The following CCDC88B variants were observed in gnomAD, a reference collection of about 807,000 sequenced individuals.
CCDC88B encodes the protein coiled-coil domain-containing protein 88B.
Under a neutral mutation model 183.7 loss-of-function variants are expected in CCDC88B, and 138 were observed. The ratio of observed to expected loss-of-function variants is 0.75; its 90% CI spans 0.65 to 0.87. The LOEUF is 0.87. CCDC88B is among the 40% of genes least tolerant of loss of function. The pLI, the probability that CCDC88B is intolerant of heterozygous loss-of-function variation, is 0.00. For missense variants in CCDC88B, 1,822 were observed against 1,965.6 expected, an observed-to-expected ratio of 0.93 and a Z score of 1.38; for synonymous variants, 835 against 867.5, an observed-to-expected ratio of 0.96 and a Z score of 0.66.
intron 19 of CCDC88B, 122 bp downstream of exon 19, chr11:64,352,508 C>G (rs1275273071): frequency 7.2e-7 from 1 of 1,392,694 alleles, no homozygotes; most frequent in Non-Finnish European, 9.5e-7. Flanking sequence ...GATGCCCCGG[C>G]CACTGCTGTG....
rs1376200030 is a variant in CCDC88B, at chr11:64,341,490, G to A, written c.517G>A (p.Ala173Thr). 3 of 1,613,664 alleles carry A rather than the reference G, an allele frequency of 1.9e-6. No homozygotes were observed. The highest frequency in any genetic ancestry group is 2.7e-5 in the African/African-American group (2 of 74,916). The change falls in exon 6 of 27, where the codon GCT becomes ACT. Residue 173 changes from alanine to threonine, a missense_variant. Transcript: ENST00000356786. ...LSLEVQSELAAAIQEVTQPGA... is the reference protein window; with the variant it reads ...LSLEVQSELATAIQEVTQPGA... ...TCTCGAGGTCCAGAGCGAGCTGGCC[G>A]CTGCCATCCAGGAGGTACTGAGACG... is the stretch of plus-strand genomic sequence containing the variant.
rs35974392 is a variant in CCDC88B at position 64,354,063 on chromosome 11, G to GC, written c.3998dup (p.Gly1334TrpfsTer26). The GC allele has an allele frequency of 2.8e-6, 4 of 1,448,840 alleles. No individual in the cohort carries two copies. The highest frequency in any genetic ancestry group is 3.7e-6 in the Non-Finnish European group (4 of 1,095,848). 89.7% of individuals were successfully genotyped at this position (1,448,840 alleles called of 1,614,324 possible). A position where few individuals can be genotyped will look rare whatever the true frequency, so the allele number is the denominator to read the frequency against. ...CTGATGCGGCCCCGGCGGGAGGGGG[G>GC]CCCCCCTGGGGGGCTGCGCCTGGGG... On this transcript the variant is annotated frameshift_variant, in exon 24 of 27. Coordinates refer to ENST00000356786, the MANE Select transcript of CCDC88B (RefSeq NM_032251.6). LOFTEE classifies it high-confidence loss of function.
At chr11:64,355,169 C>T (rs1039196557) in intron 24 of CCDC88B, 25 bp from the exon 25 acceptor site, 1 of 1,410,386 alleles carries the variant, frequency 7.1e-7, no homozygotes, top group Non-Finnish European at 9.3e-7. Context: ...TCCTCTCACC[C>T]CCTCCCTGCA....
intron 3 of CCDC88B, 39 bp from the exon 4 acceptor site, chr11:64,341,070 C>G: frequency 1.2e-6 from 2 of 1,613,874 alleles, no homozygotes; most frequent in Non-Finnish European, 1.7e-6. Flanking sequence ...GGAGCCCCTT[C>G]GGGAAGGCGC....
intron 14 of CCDC88B, among the ~76,000 whole-genome samples, chr11:64,345,374 A>G (rs945209735): frequency 1.3e-5 from 2 of 152,086 alleles, no homozygotes; most frequent in African/African-American, 4.8e-5. Context: ...AGGGGGTGGG[A>G]CTGCCTAGTA....
chr11:64,340,415 G>A, intron 1 of CCDC88B, 89 bp downstream of exon 1: 1 of 1,299,102 alleles, frequency 7.7e-7, no homozygotes, highest in Non-Finnish European at 1.0e-6. Flanking sequence ...GGGTGAGGCA[G>A]AACCAGGCCG....
chr11:64,344,090 G>T lies in CCDC88B; in HGVS notation c.1549G>T (p.Gly517Cys), dbSNP rs1432216729. 6.2e-7 allele frequency: 1 copy of T among 1,612,834 alleles called. No individual in the cohort carries two copies. Among genetic ancestry groups the T allele is most frequent in the Middle Eastern group, 1.7e-4 (1 of 6,058 alleles). ...TGTGGCCTTCGACCACAGCCCTCAG[G>T]GCTTGGTTCAGAAGGCAAGGGATGG... is the stretch of plus-strand genomic sequence containing the variant. ...TPVAFDHSPQ[G>C]LVQKARDGGP... The change falls in exon 14 of 27, where the codon GGC (glycine) becomes TGC (cysteine). Residue 517 changes from glycine (G) to cysteine (C), a missense_variant. By Grantham distance (159) the Gly-to-Cys change is radical (BLOSUM62 -3). Transcript: ENST00000356786. The surrounding 1 kb of genome is among the most constrained non-coding windows in gnomAD (Gnocchi z 4.5).
chr11:64,351,987 C>T (rs1012120009), intron 18 of CCDC88B, 143 bp from the exon 19 acceptor site: 6 of 1,218,988 alleles, frequency 4.9e-6, no homozygotes, highest in Non-Finnish European at 6.8e-6. Flanking sequence ...CTTGTACTGC[C>T]TGCTGTGCCC....
chr11:64,355,239 G>C lies in CCDC88B; in HGVS notation c.4145G>C (p.Cys1382Ser), dbSNP rs759015255. ...APMRRAQSSL[C>S]LRDETLAGGQ... ...ATGCGCCGGGCCCAGAGCTCCCTCT[G>C]CCTGCGGGATGAGACCTTGGCAGGC... The change falls in exon 25 of 27, where the codon TGC becomes TCC. Residue 1382 changes from cysteine to serine, a missense_variant. Transcript: ENST00000356786. 6.5e-6 allele frequency: 10 copies of C among 1,530,300 alleles called. No homozygotes were observed. The highest frequency in any genetic ancestry group is 2.8e-5 in the African/African-American group (2 of 71,666). 94.8% of individuals were successfully genotyped at this position (1,530,300 alleles called of 1,614,324 possible).
At chr11:64,352,565 G>A (rs577176492) in intron 19 of CCDC88B, among the ~76,000 whole-genome samples, 179 bp downstream of exon 19, 74 of 152,342 alleles carry the variant, frequency 4.9e-4, no homozygotes, top group African/African-American at 1.7e-3. Context: ...TGGGCTCCCC[G>A]TGGGGCTCAC....
rs761433025 is a variant in CCDC88B, at chr11:64,344,851, C to T, written c.2310C>T (p.Ala770=). 6.2e-7 allele frequency: 1 copy of T among 1,611,084 alleles called. No homozygotes were observed. Among genetic ancestry groups the T allele is most frequent in the Admixed American group, 1.7e-5 (1 of 59,606 alleles). ...TEAARLSKEL[A]QARRAEAEAH... is the part of the protein sequence containing the mutation. ...CTGCCCGCCTCTCCAAGGAGCTGGC[C>T]CAAGCGCGAAGGGCAGAGGCCGAGG... The change falls in exon 14 of 27, where the codon GCC becomes GCT. Residue 770 remains alanine, a synonymous_variant. Transcript: ENST00000356786. This position sits in a 1 kb window ranked among gnomAD's most constrained non-coding sequence, Gnocchi z 4.5.
intron 14 of CCDC88B, among the ~76,000 whole-genome samples, chr11:64,345,958 T>A (rs1213960278): frequency 6.6e-6 from 1 of 152,148 alleles, no homozygotes; most frequent in Non-Finnish European, 1.5e-5. Context: ...TGAGCTGAGA[T>A]TGTGCCACTA....
At chr11:64,351,856 T>C (rs2036346086) in intron 18 of CCDC88B, among the ~76,000 whole-genome samples, 1 of 152,000 alleles carries the variant, frequency 6.6e-6, no homozygotes, top group Non-Finnish European at 1.5e-5. Context: ...GCTCTCACTG[T>C]CCCAGCCCTC....
In CCDC88B at chr11:64,352,118, C is replaced by T. The variant is rs759285765; in HGVS notation, c.3100-12C>T. ...CCTCCCCAGCAGCCCCTGCTTCCCT[C>T]CTCCATCCTAGGCCGAGAAGTCTGT... On this transcript the variant is annotated splice_polypyrimidine_tract_variant and intron_variant, in intron 18 of 26. Transcript: ENST00000356786. 6.5e-7 allele frequency: 1 copy of T among 1,530,176 alleles called. No homozygotes were observed. Among genetic ancestry groups the T allele is most frequent in the Admixed American group, 2.0e-5 (1 of 49,098 alleles). The allele number at this position is 1,530,176 out of a possible 1,614,324, so 94.8% of individuals were successfully genotyped here.
chr11:64,353,823 C>A lies in CCDC88B; in HGVS notation c.3932+10C>A. 1 of 1,613,748 alleles carries A rather than the reference C, an allele frequency of 6.2e-7. No individual in the cohort carries two copies. The highest frequency in any genetic ancestry group is 1.1e-5 in the South Asian group (1 of 91,086). On this transcript the variant is annotated intron_variant, in intron 23 of 26. Coordinates refer to ENST00000356786, the MANE Select transcript of CCDC88B (RefSeq NM_032251.6). ...CCCTGCCCCGGACCAAGTGAGCAGC[C>A]CTGTCACCTCCCTCAGGCTGGACAT...
At chr11:64,347,977 G>A (rs575087312) in intron 14 of CCDC88B, among the ~76,000 whole-genome samples, 1 of 148,348 alleles carries the variant, frequency 6.7e-6, no homozygotes, top group East Asian at 2.0e-4. Context: ...TTGAACCCAG[G>A]AGGCAGAGGT....
At chr11:64,347,920 C>T (rs959843933) in intron 14 of CCDC88B, among the ~76,000 whole-genome samples, 18 of 151,868 alleles carry the variant, frequency 1.2e-4, no homozygotes, top group Non-Finnish European at 5.9e-5. Flanking sequence ...TGTGGTGGCA[C>T]GCACCTGTAA....
intron 1 of CCDC88B, 52 bp from the exon 2 acceptor site, chr11:64,340,555 G>A (rs1445149532): frequency 1.9e-6 from 3 of 1,573,558 alleles, no homozygotes; most frequent in South Asian, 1.2e-5. Flanking sequence ...GCAGGTCGGA[G>A]GGGCTCAGGG....
chr11:64,348,778 C>G, intron 14 of CCDC88B: 2 of 557,102 alleles, frequency 3.6e-6, no homozygotes, highest in Non-Finnish European at 6.4e-6. Flanking sequence ...ATGGGCCTCC[C>G]GTCTCCTTCC....
Sources: allele counts gnomAD v4.1 joint callset (sites outside exome capture counted in the v4.1 genomes callset), GRCh38; gene constraint gnomAD v4.1.1; non-coding constraint Gnocchi (gnomAD v3.1); transcripts MANE v1.5; gene names NCBI Gene and HGNC (gene_info 2026-07-23, HGNC 2026-07-21).